The following TOX2 variants were observed in gnomAD, a reference collection of about 807,000 sequenced individuals.
The protein encoded by TOX2 is granulosa cell HMG box 1.
A neutral mutation model predicts 47.4 loss-of-function variants in TOX2; 15 were observed. The observed-to-expected ratio is 0.32, with a 90% CI of 0.21 to 0.49. The LOEUF is 0.49. Ranked by LOEUF, TOX2 falls within the 20% of genes least tolerant of loss-of-function variation. TOX2 has a pLI of 0.99. For synonymous variants in TOX2, 290 were observed against 296.6 expected (o/e 0.98, Z 0.23); for missense variants, 622 against 673.1 (o/e 0.92, Z 0.84).
At chr20:43,932,570 G>A (rs1207665383) in intron 1 of TOX2, among the ~76,000 whole-genome samples, 1 of 152,228 alleles carries the variant, frequency 6.6e-6, no homozygotes, top group African/African-American at 2.4e-5. Flanking sequence ...GCTTTGCAGG[G>A]TGCCTCCTGT....
chr20:43,920,856 G>A (rs535213265), intron 1 of TOX2, among the ~76,000 whole-genome samples: 1 of 152,332 alleles, frequency 6.6e-6, no homozygotes, highest in East Asian at 1.9e-4. Context: ...GGGAATGCTG[G>A]TGGGAATGGT....
intron 2 of TOX2, among the ~76,000 whole-genome samples, chr20:43,995,063 C>T (rs961266937): frequency 2.6e-5 from 4 of 152,012 alleles, no homozygotes; most frequent in African/African-American, 7.2e-5. Flanking sequence ...TTCATTTTAC[C>T]GGTATGGCTT....
rs79000734 is a variant in TOX2, at chr20:43,955,299, G to A, written c.100-18068G>A. 1,628 of 985,080 alleles carry A rather than the reference G, an allele frequency of 1.7e-3. 13 individuals carry two copies. In the African/African-American group the frequency reaches 0.026, roughly 16 times the overall value. 61.0% of individuals were successfully genotyped at this position (985,080 alleles called of 1,614,324 possible). A position where few individuals can be genotyped will look rare whatever the true frequency, so the allele number is the denominator to read the frequency against. On this transcript the variant is annotated intron_variant, in intron 1 of 8. Transcript: ENST00000341197. ...TGAGTAGCTGCTGAAAACCCTCCTG[G>A]GTCACAGGAGGGCCCATGGGGGCCT...
chr20:44,055,186 AGTCAGGATTTGAACTCAC>A (rs1423855445), intron 5 of TOX2, among the ~76,000 whole-genome samples: 1 of 152,234 alleles, frequency 6.6e-6, no homozygotes, highest in Non-Finnish European at 1.5e-5. Context: ...ATCAAGGTAG[AGTCAGGATTTGAACTCAC>A]ATCTGTAGAA....
intron 1 of TOX2, among the ~76,000 whole-genome samples, chr20:43,941,442 C>T (rs989362501): frequency 7.9e-5 from 12 of 151,952 alleles, no homozygotes; most frequent in African/African-American, 2.4e-4. Flanking sequence ...GAGTGATGCT[C>T]CTGCCTCAGC....
intron 3 of TOX2, among the ~76,000 whole-genome samples, chr20:44,019,678 C>A (rs1241878566): frequency 6.6e-6 from 1 of 152,136 alleles, no homozygotes; most frequent in Non-Finnish European, 1.5e-5. Context: ...GATGCTGGAG[C>A]CCTGAGGAAT....
At chr20:44,027,258 T>A (rs1407150302) in intron 3 of TOX2, among the ~76,000 whole-genome samples, 1 of 150,988 alleles carries the variant, frequency 6.6e-6, no homozygotes, top group African/African-American at 2.4e-5. Context: ...TGGTTTTAAT[T>A]AGCACATGTG....
At chr20:43,951,496 G>A (rs1569026811) in intron 1 of TOX2, among the ~76,000 whole-genome samples, 2 of 151,942 alleles carry the variant, frequency 1.3e-5, no homozygotes, top group East Asian at 1.9e-4. Flanking sequence ...AGAATCACTC[G>A]AACCCAGGAG....
chr20:43,982,476 C>A (rs530891648), intron 2 of TOX2, among the ~76,000 whole-genome samples: 1 of 152,146 alleles, frequency 6.6e-6, no homozygotes, highest in South Asian at 2.1e-4. Context: ...GGCCTGGGGT[C>A]CAGTGCAGCT....
chr20:44,013,561 G>A (rs1438213068), intron 3 of TOX2, among the ~76,000 whole-genome samples: 1 of 152,228 alleles, frequency 6.6e-6, no homozygotes, highest in Non-Finnish European at 1.5e-5. Context: ...GTTTGGTCTT[G>A]TCTTATGAAT....
chr20:43,970,515 C>A (rs1207281698), intron 1 of TOX2, among the ~76,000 whole-genome samples: 2 of 151,178 alleles, frequency 1.3e-5, no homozygotes, highest in Admixed American at 1.3e-4. Flanking sequence ...TATTCCTATA[C>A]CATACTGTTC....
At chr20:44,051,274 C>CCTAA (rs2071504246) in intron 3 of TOX2, 32 bp from the exon 4 acceptor site, 4 of 1,568,708 alleles carry the variant, frequency 2.5e-6, no homozygotes, top group East Asian at 4.5e-5. Flanking sequence ...ACAGATCCTT[C>CCTAA]CTAACTCAAC....
chr20:43,945,717 G>T, intron 1 of TOX2: 1 of 741,110 alleles, frequency 1.3e-6, no homozygotes, highest in Non-Finnish European at 2.1e-6. Context: ...CAGGAGCTCC[G>T]AACACGCAGG....
intron 3 of TOX2, among the ~76,000 whole-genome samples, chr20:44,027,596 G>GC (rs2071086139): frequency 6.6e-6 from 1 of 152,222 alleles, no homozygotes; most frequent in African/African-American, 2.4e-5. Context: ...TTCCATCTCT[G>GC]CCCCATTTGG....
At chr20:44,001,099 G>A (rs548283644) in intron 2 of TOX2, among the ~76,000 whole-genome samples, 7 of 152,040 alleles carry the variant, frequency 4.6e-5, no homozygotes, top group African/African-American at 1.5e-4. Flanking sequence ...ATTTTTAACT[G>A]GCAAAGCTCT....
At chr20:43,931,604 T>C (rs2069253808) in intron 1 of TOX2, among the ~76,000 whole-genome samples, 1 of 152,168 alleles carries the variant, frequency 6.6e-6, no homozygotes, top group Non-Finnish European at 1.5e-5. Context: ...AGAGGCCATG[T>C]CTGGGTGCTT....
chr20:44,038,755 C>T (rs998208248), intron 3 of TOX2, among the ~76,000 whole-genome samples: 7 of 152,034 alleles, frequency 4.6e-5, no homozygotes, highest in Admixed American at 1.3e-4. Flanking sequence ...CGGCAGAAGG[C>T]GGGAAGGAGG....
At chr20:43,927,625 C>CT (rs146262327) in intron 1 of TOX2, among the ~76,000 whole-genome samples, 28,756 of 81,020 alleles carry the variant, frequency 0.35, 6,959 homozygotes, top group African/African-American at 0.5. Flanking sequence ...TCCTTCCTTC[C>CT]TCCTTCCTTC....
intron 3 of TOX2, among the ~76,000 whole-genome samples, chr20:44,009,620 A>T (rs1201398323): frequency 6.6e-6 from 1 of 152,214 alleles, no homozygotes; most frequent in Non-Finnish European, 1.5e-5. Flanking sequence ...GAGCAGTAGG[A>T]TATAAATAAC....
Sources: gnomAD v4.1 joint callset for allele counts (sites outside exome capture counted in the v4.1 genomes callset) on GRCh38, gnomAD v4.1.1 for gene constraint, MANE v1.5 for transcripts, NCBI Gene and HGNC (gene_info 2026-07-23, HGNC 2026-07-21) for gene names.